The following AP3S2 variants were observed in gnomAD, a reference collection of about 807,000 sequenced individuals.
AP3S2 encodes AP-3 complex subunit sigma-2.
In AP3S2, 22 loss-of-function variants were observed where a neutral mutation model predicts 23.4. The observed-to-expected ratio is 0.94, with a 90% CI of 0.67 to 1.34. The LOEUF (loss-of-function observed/expected upper bound fraction) is 1.34, where lower values mean the gene tolerates loss of function less well. Ranked by LOEUF, AP3S2 falls within the 40% of genes most tolerant of loss-of-function variation. AP3S2 has a pLI of 0.00. For synonymous variants in AP3S2, 86 were observed against 87.1 expected (o/e 0.99, Z 0.07); for missense variants, 241 against 236.9 (o/e 1.02, Z -0.11).
At chr15:89,878,044 A>AT (rs1227418949) in intron 3 of AP3S2, among the ~76,000 whole-genome samples, 1 of 152,140 alleles carries the variant, frequency 6.6e-6, no homozygotes, top group Non-Finnish European at 1.5e-5. Flanking sequence ...TCATACATGC[A>AT]TTTTTTTGTG....
At chr15:89,885,934 C>CAA (rs34323747) in intron 3 of AP3S2, among the ~76,000 whole-genome samples, 8 of 104,902 alleles carry the variant, frequency 7.6e-5, no homozygotes, top group Admixed American at 2.1e-4. Context: ...GACCTTGTCT[C>CAA]AAAAAAAAAA....
intron 5 of AP3S2, among the ~76,000 whole-genome samples, chr15:89,836,195 A>T (rs1210042402): frequency 6.6e-6 from 1 of 152,158 alleles, no homozygotes; most frequent in Admixed American, 6.5e-5. Context: ...CTGCAGTCCT[A>T]CTAGACTACC....
chr15:89,858,493 A>AAGAGAGAGAG (rs143172663), intron 4 of AP3S2, among the ~76,000 whole-genome samples: 6 of 60,304 alleles, frequency 9.9e-5, no homozygotes, highest in South Asian at 1.2e-3. Context: ...GAAAGAAAGA[A>AAGAGAGAGAG]AGAGAGAGAG....
intron 4 of AP3S2, among the ~76,000 whole-genome samples, chr15:89,851,351 T>C (rs1895648075): frequency 6.6e-6 from 1 of 152,164 alleles, no homozygotes; most frequent in Non-Finnish European, 1.5e-5. Context: ...TTCTTTTTTT[T>C]TTTTTGAGAC....
At chr15:89,888,675 A>G (rs1567189455) in intron 2 of AP3S2, 43 bp from the exon 3 acceptor site, 1 of 1,577,958 alleles carries the variant, frequency 6.3e-7, no homozygotes, top group African/African-American at 1.4e-5. Flanking sequence ...AGCTTAATTA[A>G]ACACATCAAA....
rs1358399519 is a variant in AP3S2 at position 89,830,845 on chromosome 15, C to T, written c.*4670G>A. On this transcript the variant is annotated 3_prime_UTR_variant, in exon 6 of 6. Transcript: ENST00000336418. The stretch of plus-strand genomic sequence containing the variant: ...TGTACAGGGTGATGGGGAGGCCCTC[C>T]TCCCTGGAGAGGGCGGCATGATCCT... 3 of 152,428 alleles carry T rather than the reference C, an allele frequency of 2.0e-5. No individual in the cohort carries two copies. In the East Asian group the frequency reaches 5.8e-4, roughly 29 times the overall value. The allele number at this position is 152,428 out of a possible 1,614,324, so 9.4% of individuals were successfully genotyped here.
chr15:89,839,583 G>T (rs1346887001), intron 4 of AP3S2, among the ~76,000 whole-genome samples: 1 of 152,090 alleles, frequency 6.6e-6, no homozygotes, highest in Non-Finnish European at 1.5e-5. Context: ...CAAGAAATAG[G>T]CCTCTGAAAA....
intron 4 of AP3S2, among the ~76,000 whole-genome samples, chr15:89,853,060 T>A (rs1292234247): frequency 1.3e-5 from 2 of 152,144 alleles, no homozygotes. Context: ...CACACTTCCC[T>A]CAATCACTCA....
At chr15:89,872,523 A>G (rs1251126615) in intron 3 of AP3S2, among the ~76,000 whole-genome samples, 3 of 152,348 alleles carry the variant, frequency 2.0e-5, no homozygotes, top group East Asian at 1.9e-4. Flanking sequence ...GTATCTATCT[A>G]TAACTGTTTA....
intron 4 of AP3S2, among the ~76,000 whole-genome samples, chr15:89,856,455 C>T (rs186641449): frequency 6.6e-6 from 1 of 151,260 alleles, no homozygotes; most frequent in African/African-American, 2.4e-5. Context: ...AATCCCAGCA[C>T]TTTGGGAGGC....
intron 4 of AP3S2, among the ~76,000 whole-genome samples, chr15:89,858,136 G>C (rs1272958655): frequency 6.6e-6 from 1 of 152,108 alleles, no homozygotes; most frequent in South Asian, 2.1e-4. Flanking sequence ...TTCTTAGTTA[G>C]GAATCAAGAG....
intron 4 of AP3S2, among the ~76,000 whole-genome samples, chr15:89,859,622 T>G (rs1396916259): frequency 1.3e-5 from 2 of 151,858 alleles, no homozygotes; most frequent in Non-Finnish European, 2.9e-5. Context: ...CTCGAACTCC[T>G]GACCTCAGGT....
intron 1 of AP3S2, among the ~76,000 whole-genome samples, chr15:89,892,419 C>G (rs931467571): frequency 1.3e-4 from 20 of 152,100 alleles, no homozygotes; most frequent in African/African-American, 4.8e-4. Flanking sequence ...TGCCTGTAAT[C>G]CCAGCACTTT....
At chr15:89,893,993 GCTC>G in exon 1 of AP3S2, 1 of 1,540,196 alleles carries the variant, frequency 6.5e-7, no homozygotes, top group East Asian at 2.4e-5. Context: ...CTCCCAGAAA[GCTC>G]CTCCTTCCGC....
At position 89,893,968 on chromosome 15, in the gene AP3S2, T is replaced by C. The variant is rs1265692348; in HGVS notation, c.-19A>G. ...GAATCATCTTTGCCAGCCACGGTTC[T>C]CTCAGCACCGGCTACTCCCAGAAAG... On this transcript the variant is annotated 5_prime_UTR_variant, in exon 1 of 6. Transcript: ENST00000336418. 5 of 1,550,678 alleles carry C rather than the reference T, an allele frequency of 3.2e-6. No homozygotes were observed. In the Admixed American group the frequency reaches 7.8e-5, roughly 24 times the overall value.
chr15:89,845,245 T>C (rs924377995), intron 4 of AP3S2: 3 of 152,208 alleles, frequency 2.0e-5, no homozygotes, highest in African/African-American at 7.2e-5. Flanking sequence ...TTAATCTGTA[T>C]ATTATTTAAT....
At chr15:89,858,041 C>T (rs1380398320) in intron 4 of AP3S2, among the ~76,000 whole-genome samples, 1 of 152,162 alleles carries the variant, frequency 6.6e-6, no homozygotes, top group Non-Finnish European at 1.5e-5. Flanking sequence ...AAAAATAAAC[C>T]TTGCTCTCAT....
chr15:89,879,032 C>T (rs540698000), intron 3 of AP3S2, among the ~76,000 whole-genome samples: 2 of 152,324 alleles, frequency 1.3e-5, no homozygotes, highest in African/African-American at 2.4e-5. Context: ...GGGCGTGGGC[C>T]GCCGCACCCA....
rs1895113813 is a variant in AP3S2, at chr15:89,833,027, A to G, written c.*2488T>C. 6.6e-6 allele frequency: 1 copy of G among 152,250 alleles called. No individual in the cohort carries two copies. The highest frequency in any genetic ancestry group is 1.5e-5 in the Non-Finnish European group (1 of 68,048). The allele number at this position is 152,250 out of a possible 1,614,324, so 9.4% of individuals were successfully genotyped here. A position where few individuals can be genotyped will look rare whatever the true frequency, so the allele number is the denominator to read the frequency against. ...GACCACTCAATGATTTTTTAAAACC[A>G]TTGGTTTCTGGCAGGCAAAACATTC... On this transcript the variant is annotated 3_prime_UTR_variant, in exon 6 of 6. Coordinates refer to ENST00000336418, the MANE Select transcript of AP3S2 (RefSeq NM_005829.5).
Sources: gnomAD v4.1 joint callset for allele counts (sites outside exome capture counted in the v4.1 genomes callset) on GRCh38, gnomAD v4.1.1 for gene constraint, MANE v1.5 for transcripts, NCBI Gene and HGNC (gene_info 2026-07-23, HGNC 2026-07-21) for gene names.